Variants in ANK2 observed in about 807,000 individuals in gnomAD.
ANK2 encodes the protein ankyrin 2, also known as ankyrin-2.
ANK2 carries 83 observed loss-of-function variants against 360.5 expected under a neutral mutation model. The observed-to-expected ratio is 0.23, with a 90% CI of 0.19 to 0.28. The LOEUF is 0.28. Among genes scored for constraint, ANK2 ranks in the 10% least tolerant of loss-of-function variants. ANK2 has a pLI of 1.00. For missense variants in ANK2, 4,201 were observed against 4,795.7 expected, an observed-to-expected ratio of 0.88 and a Z score of 3.66; for synonymous variants, 1,740 against 1,759.5, an observed-to-expected ratio of 0.99 and a Z score of 0.28.
intron 41 of ANK2, among the ~76,000 whole-genome samples, 172 bp from the exon 42 acceptor site, chr4:113,367,394 G>A (rs183086666): frequency 2.6e-5 from 4 of 152,008 alleles, no homozygotes; most frequent in African/African-American, 9.7e-5. Flanking sequence ...TACATGATCC[G>A]TATCTTGAAG....
chr4:112,722,153 G>A, the ANK2 span, among the ~76,000 whole-genome samples: 2 of 152,176 alleles, frequency 1.3e-5, no homozygotes, highest in Non-Finnish European at 2.9e-5. Context: ...GGCAGAGACA[G>A]CTCCGGCCAA....
chr4:113,207,443 T>C (rs1376616279), intron 4 of ANK2, among the ~76,000 whole-genome samples: 1 of 152,168 alleles, frequency 6.6e-6, no homozygotes, highest in African/African-American at 2.4e-5. Context: ...AAGTAAATGG[T>C]CTCCAAGTTC....
At chr4:112,999,039 G>A (rs2049650971) in intron 2 of ANK2, among the ~76,000 whole-genome samples, 2 of 152,082 alleles carry the variant, frequency 1.3e-5, no homozygotes, top group Admixed American at 6.6e-5. Flanking sequence ...TATGGATAAT[G>A]TATTTAAATA....
the ANK2 span, among the ~76,000 whole-genome samples, chr4:112,746,573 A>T: frequency 3.3e-5 from 5 of 151,606 alleles, no homozygotes; most frequent in Non-Finnish European, 7.4e-5. Context: ...TAACATGCAT[A>T]ATTTTCTGGA....
chr4:112,956,458 T>G (rs1309458018), intron 2 of ANK2, among the ~76,000 whole-genome samples: 2 of 152,174 alleles, frequency 1.3e-5, no homozygotes, highest in African/African-American at 2.4e-5. Flanking sequence ...TGCTTTGTGG[T>G]CGCTATTAGG....
rs753223319 is a variant in ANK2 at position 113,356,758 on chromosome 4, G to A, written c.8140G>A (p.Val2714Ile). 32 of 1,614,088 alleles carry A rather than the reference G, an allele frequency of 2.0e-5. No individual in the cohort carries two copies. The highest frequency in any genetic ancestry group is 4.5e-5 in the East Asian group (2 of 44,874). ...AGAAGAAGTACAATTCCAGCCTGTC[G>A]TTTCCAAACAATATACTTTCAAGAT... ...SPEEVQFQPV[V>I]SKQYTFKMNE... Residue 2714 changes from valine (V) to isoleucine (I), a missense_variant, in exon 38 of 46, where the codon GTT (valine) becomes ATT (isoleucine). Physicochemically the swap from Val to Ile is conservative, Grantham distance 29. Transcript: ENST00000357077.
chr4:113,035,264 A>G (rs565028060), intron 2 of ANK2, among the ~76,000 whole-genome samples: 1 of 151,912 alleles, frequency 6.6e-6, no homozygotes, highest in East Asian at 1.9e-4. Context: ...TAAGCAGTTA[A>G]TGAGAACTAG....
At chr4:112,873,305 T>G (rs1291571607) in intron 1 of ANK2, among the ~76,000 whole-genome samples, 1 of 151,760 alleles carries the variant, frequency 6.6e-6, no homozygotes, top group Non-Finnish European at 1.5e-5. Flanking sequence ...AATGTTAGGT[T>G]ATTGACCTAA....
rs551941652 is a variant in ANK2 at position 113,253,401 on chromosome 4, C to T, written c.991-2334C>T. Among the ~76,000 whole-genome samples, 4 of 152,222 alleles carry T rather than the reference C, an allele frequency of 2.6e-5. No homozygotes were observed. The East Asian group carries it at 7.7e-4, about 29-fold the overall frequency. Reference sequence around the variant, plus strand: ...TTTAAGTAGTACCTGTATGCTGGTGCCACGAGTGTACATCTCCAGAATTCC... The same window carrying T: ...TTTAAGTAGTACCTGTATGCTGGTGTCACGAGTGTACATCTCCAGAATTCC... On this transcript the variant is annotated intron_variant, in intron 10 of 45. Transcript: ENST00000357077.
rs545844745 is a variant in ANK2, at chr4:112,974,324, C to G, written c.21+69810C>G. The stretch of plus-strand genomic sequence containing the variant: ...AAAATGTTTTCCATTAAAGGGGGAC[C>G]TGCTAATTTCCTGTGTCTAATGTAA... On this transcript the variant is annotated intron_variant, in intron 2 of 30. Coordinates refer to the ANK2 transcript ENST00000503271. Among the ~76,000 whole-genome samples, 4 of 152,256 alleles carry G rather than the reference C, an allele frequency of 2.6e-5. No individual in the cohort carries two copies. In the East Asian group the frequency reaches 7.7e-4, roughly 29 times the overall value.
At chr4:113,249,891 T>C in intron 10 of ANK2, 29 bp downstream of exon 10, 1 of 1,585,914 alleles carries the variant, frequency 6.3e-7, no homozygotes, top group African/African-American at 1.3e-5. Flanking sequence ...GATGGGGTCC[T>C]AAGAAATCTT....
Position 113,237,618 on chromosome 4 carries a change from C to T in ANK2, c.689C>T (p.Thr230Ile). Residue 230 changes from threonine (T) to isoleucine (I), a missense_variant, in exon 7 of 46, where the codon ACT becomes ATT. Thr to Ile is a moderately conservative substitution (Grantham distance 89). This residue lies in a region of ANK2 where 122 missense variants were observed against 239.3 expected (regional missense o/e 0.51). Coordinates refer to ENST00000357077, the MANE Select transcript of ANK2 (RefSeq NM_001148.6). ...CTTCAGATGATGGTGAATAGGACAA[C>T]TGAGGTACAGTATTGTGGTTATACC... is the stretch of plus-strand genomic sequence containing the variant. ...VQSKMMVNRTTESGFTPLHIA... is the reference protein window; with the variant it reads ...VQSKMMVNRTIESGFTPLHIA... The T allele has an allele frequency of 6.2e-7, 1 of 1,609,372 alleles. No individual in the cohort carries two copies. Among genetic ancestry groups the T allele is most frequent in the African/African-American group, 1.3e-5 (1 of 74,916 alleles).
At chr4:112,719,774 G>C in the ANK2 span, among the ~76,000 whole-genome samples, 19 of 151,896 alleles carry the variant, frequency 1.3e-4, no homozygotes, top group African/African-American at 4.3e-4. Flanking sequence ...GGAGGCCTCT[G>C]CTTGGGGACT....
chr4:113,009,925 T>TACACACACACACAC (rs3028929), intron 2 of ANK2, among the ~76,000 whole-genome samples: 2,445 of 149,622 alleles, frequency 0.016, 77 homozygotes, highest in African/African-American at 0.056. Flanking sequence ...TTGTTGAGAG[T>TACACACACACACAC]ACACACACAC....
intron 1 of ANK2, among the ~76,000 whole-genome samples, chr4:113,144,324 A>G (rs1237542944): frequency 2.0e-5 from 3 of 152,200 alleles, no homozygotes; most frequent in Admixed American, 2.0e-4. Context: ...GTGGAAAGCA[A>G]CAATACAAAA....
chr4:113,274,647 A>G lies in ANK2; in HGVS notation c.1681A>G (p.Lys561Glu). 1 of 1,613,876 alleles carries G rather than the reference A, an allele frequency of 6.2e-7. No homozygotes were observed. Among genetic ancestry groups the G allele is most frequent in the Non-Finnish European group, 8.5e-7 (1 of 1,179,844 alleles). Residue 561 changes from lysine (K) to glutamate (E), a missense_variant and splice_region_variant, in exon 15 of 46, where the codon AAG becomes GAG. Coordinates refer to ENST00000357077, the MANE Select transcript of ANK2 (RefSeq NM_001148.6). ...AGGAGCAGCCCACTCCTTAGCTACC[A>G]AGGTAAGGAGAATGACATCATGAGA... ...EAGAAHSLAT[K>E]KGFTPLHVAA...
chr4:113,021,365 T>G (rs1334406526), intron 2 of ANK2, among the ~76,000 whole-genome samples: 1 of 151,888 alleles, frequency 6.6e-6, no homozygotes, highest in East Asian at 1.9e-4. Context: ...TGAGATCAAG[T>G]TTGCCAAAAT....
chr4:112,920,131 T>C (rs1252992729), intron 2 of ANK2, among the ~76,000 whole-genome samples: 1 of 152,166 alleles, frequency 6.6e-6, no homozygotes, highest in Non-Finnish European at 1.5e-5. Flanking sequence ...CTCGTGTCTC[T>C]TGCCTCTAAG....
chr4:112,734,449 G>A, the ANK2 span, among the ~76,000 whole-genome samples: 12 of 152,178 alleles, frequency 7.9e-5, no homozygotes, highest in Non-Finnish European at 1.8e-4. Flanking sequence ...TCCTTTTCCT[G>A]TGTCCAGAGT....
Sources: allele counts gnomAD v4.1 joint callset (sites outside exome capture counted in the v4.1 genomes callset), GRCh38; gene constraint gnomAD v4.1.1; regional missense constraint gnomAD v4.1.1; transcripts MANE v1.5; gene names NCBI Gene and HGNC (gene_info 2026-07-23, HGNC 2026-07-21).